Variants in OGT observed in about 807,000 individuals in gnomAD.
OGT encodes UDP-N-acetylglucosamine--peptide N-acetylglucosaminyltransferase 110 kDa subunit.
In OGT, 3 loss-of-function variants were observed where a neutral mutation model predicts 75.8. The ratio of observed to expected loss-of-function variants is 0.04; its 90% CI spans 0.02 to 0.10. The LOEUF is 0.10. Ranked by LOEUF, OGT falls within the 10% of genes least tolerant of loss-of-function variation. The pLI is 1.00. For synonymous variants in OGT, 257 were observed against 289.7 expected, an observed-to-expected ratio of 0.89 and a Z score of 1.15; for missense variants, 260 against 824.4, an observed-to-expected ratio of 0.32 and a Z score of 8.38.
chrX:71,536,734 G>T (rs919755939), intron 2 of OGT: 17 of 159,110 alleles, frequency 1.1e-4, no homozygotes, highest in African/African-American at 5.4e-4. Flanking sequence ...TGCTGTGGCA[G>T]GAGATGCATA....
At chrX:71,557,415 C>A in intron 11 of OGT, 78 bp from the exon 12 acceptor site, 1 of 1,108,299 alleles carries the variant, frequency 9.0e-7, no homozygotes. Flanking sequence ...TCTGACATTA[C>A]TTTAGGCCAA....
intron 21 of OGT, among the ~76,000 whole-genome samples, chrX:71,571,870 A>G (rs1221149337): frequency 9.1e-6 from 1 of 109,781 alleles, no homozygotes; most frequent in East Asian, 2.8e-4. Flanking sequence ...CCTGGGTTCA[A>G]GCGATTCTCC....
Position 71,557,570 on chromosome X carries a change from T to C in OGT, c.1500T>C (p.Asn500=), listed in dbSNP as rs147909624. 770 of 1,207,726 alleles carry C rather than the reference T, an allele frequency of 6.4e-4. No individual in the cohort carries two copies. The highest frequency in any genetic ancestry group is 8.2e-4 in the Non-Finnish European group (734 of 892,839). ...TTGTGGCTGACCAGTTAGAGAAGAATAGGTTGCCTTCTGTGCATCCTCATC... is the reference window on the plus strand; with the variant it reads ...TTGTGGCTGACCAGTTAGAGAAGAACAGGTTGCCTTCTGTGCATCCTCATC... ...VSIVADQLEK[N]RLPSVHPHHS... is the part of the protein sequence containing the mutation. Residue 500 remains asparagine, a synonymous_variant, in exon 12 of 22, where the codon AAT becomes AAC. Transcript: ENST00000373719.
chrX:71,539,715 A>G (rs2040204250), intron 3 of OGT, among the ~76,000 whole-genome samples: 1 of 112,314 alleles, frequency 8.9e-6, no homozygotes, highest in Non-Finnish European at 1.9e-5. Flanking sequence ...CTTGGACCCC[A>G]TTTTTCCCAG....
intron 7 of OGT, 152 bp downstream of exon 7, chrX:71,555,537 C>T: frequency 2.0e-6 from 1 of 496,007 alleles, no homozygotes; most frequent in Non-Finnish European, 3.3e-6. Flanking sequence ...GCCTAGGCAA[C>T]ATGACGAAAC....
chrX:71,548,537 G>A (rs2040278324), intron 5 of OGT, among the ~76,000 whole-genome samples: 1 of 112,149 alleles, frequency 8.9e-6, no homozygotes, highest in Non-Finnish European at 1.9e-5. Flanking sequence ...CCCATCAACG[G>A]TGGGCTAAAG....
At chrX:71,569,634 G>A (rs1342615373) in intron 21 of OGT, among the ~76,000 whole-genome samples, 1 of 110,956 alleles carries the variant, frequency 9.0e-6, no homozygotes, top group Non-Finnish European at 1.9e-5. Context: ...GGGACCATAG[G>A]ACTATAGGTA....
At chrX:71,544,173 T>TG (rs1275514131) in intron 3 of OGT, among the ~76,000 whole-genome samples, 1 of 111,394 alleles carries the variant, frequency 9.0e-6, no homozygotes, top group Non-Finnish European at 1.9e-5. Context: ...GTGAAGCTAA[T>TG]GGGGCCAAAT....
chrX:71,561,497 C>T (rs1304521956), intron 14 of OGT, among the ~76,000 whole-genome samples: 4 of 109,561 alleles, frequency 3.7e-5, no homozygotes, highest in Admixed American at 2.9e-4. Context: ...TTTCAAATAC[C>T]AATTTCTCTG....
intron 5 of OGT, among the ~76,000 whole-genome samples, chrX:71,550,770 T>C (rs1276292972): frequency 8.9e-6 from 1 of 111,959 alleles, no homozygotes; most frequent in Non-Finnish European, 1.9e-5. Context: ...GCTTTTGTTA[T>C]CTGTGCTTTA....
intron 21 of OGT, among the ~76,000 whole-genome samples, chrX:71,569,757 A>T (rs2040441156): frequency 9.2e-6 from 1 of 108,578 alleles, no homozygotes; most frequent in Non-Finnish European, 1.9e-5. Flanking sequence ...TTTTTTCTGG[A>T]CGGAGTCTCG....
At chrX:71,540,396 C>T (rs1479318513) in intron 3 of OGT, among the ~76,000 whole-genome samples, 2 of 111,961 alleles carry the variant, frequency 1.8e-5, no homozygotes, top group African/African-American at 6.5e-5. Context: ...ATGTAGTTGG[C>T]ATTCTATGAA....
chrX:71,570,600 G>C (rs1176699172), intron 21 of OGT, among the ~76,000 whole-genome samples: 1 of 111,076 alleles, frequency 9.0e-6, no homozygotes, highest in Non-Finnish European at 1.9e-5. Context: ...GATTAAAAAA[G>C]GCATTCCATG....
chrX:71,563,878 C>A (rs766219715), intron 18 of OGT, among the ~76,000 whole-genome samples: 1 of 112,022 alleles, frequency 8.9e-6, no homozygotes, highest in Non-Finnish European at 1.9e-5. Flanking sequence ...TCCGTACTTA[C>A]CGCTAACGTC....
intron 1 of OGT, among the ~76,000 whole-genome samples, chrX:71,535,748 C>T (rs758558872): frequency 1.8e-5 from 2 of 111,884 alleles, no homozygotes; most frequent in Non-Finnish European, 3.8e-5. Flanking sequence ...CAAAATATTA[C>T]GTTTCCCAAT....
intron 5 of OGT, 116 bp downstream of exon 5, chrX:71,548,139 A>G (rs2040275050): frequency 2.7e-6 from 2 of 732,717 alleles, no homozygotes; most frequent in Non-Finnish European, 2.0e-6. Context: ...CTCTGGCGGT[A>G]TAGGCAGTAT....
intron 21 of OGT, among the ~76,000 whole-genome samples, chrX:71,572,834 T>C (rs2040468030): frequency 1.8e-5 from 2 of 112,406 alleles, no homozygotes; most frequent in African/African-American, 6.5e-5. Context: ...TGGCTTCTGG[T>C]TCTAAAGTAT....
intron 3 of OGT, among the ~76,000 whole-genome samples, chrX:71,542,110 A>G (rs1314051611): frequency 8.9e-6 from 1 of 112,252 alleles, no homozygotes; most frequent in Non-Finnish European, 1.9e-5. Flanking sequence ...TAAGGATTCT[A>G]TATCTTTTCC....
chrX:71,569,613 C>A (rs750426728), intron 21 of OGT, among the ~76,000 whole-genome samples: 17 of 111,208 alleles, frequency 1.5e-4, no homozygotes, highest in Admixed American at 1.5e-3. Context: ...ACCTCAGCCA[C>A]CTGAGTAGCA....
Sources: gnomAD v4.1 joint callset for allele counts (sites outside exome capture counted in the v4.1 genomes callset) on GRCh38, gnomAD v4.1.1 for gene constraint, MANE v1.5 for transcripts, NCBI Gene and HGNC (gene_info 2026-07-23, HGNC 2026-07-21) for gene names.